Variants in ZNF786 observed in about 807,000 individuals in gnomAD.
ZNF786 encodes the protein zinc finger protein 786.
ZNF786 carries 56 observed loss-of-function variants against 63.1 expected under a neutral mutation model. That is an observed-to-expected ratio of 0.89 (90% confidence interval 0.72 to 1.11). The LOEUF is 1.11. Ranked by LOEUF, ZNF786 falls within the 50% of genes least tolerant of loss-of-function variation. The pLI is 0.00. For missense variants in ZNF786, 1,213 were observed against 1,041.8 expected (o/e 1.16, Z -2.26); for synonymous variants, 485 against 406.9 (o/e 1.19, Z -2.31).
In ZNF786 at chr7:149,069,796, G is replaced by A. The variant is rs1825365286; in HGVS notation, c.*627C>T. The A allele has an allele frequency of 6.6e-6, 1 of 152,340 alleles. No homozygotes were observed. Among genetic ancestry groups the A allele is most frequent in the Non-Finnish European group, 1.5e-5 (1 of 68,600 alleles). 9.4% of individuals were successfully genotyped at this position (152,340 alleles called of 1,614,324 possible). A position where few individuals can be genotyped will look rare whatever the true frequency, so the allele number is the denominator to read the frequency against. ...GTACCACCATGCCTGGCTAATTTTT[G>A]TATTTTTAGTAGAGACAGGGTTTTG... On this transcript the variant is annotated 3_prime_UTR_variant, in exon 4 of 4. Coordinates refer to ENST00000491431, the MANE Select transcript of ZNF786 (RefSeq NM_152411.4).
chr7:149,089,287 T>TTGTATAGTGTTCCACCGTCTGAA (rs1825791502), intron 1 of ZNF786, among the ~76,000 whole-genome samples: 1 of 150,868 alleles, frequency 6.6e-6, no homozygotes, highest in Non-Finnish European at 1.5e-5. Context: ...TATTTTAATT[T>TTGTATAGTGTTCCACCGTCTGAA]TGTATAGTGT....
chr7:149,072,234 G>C lies in ZNF786; in HGVS notation c.538C>G (p.Pro180Ala). 1 of 1,613,574 alleles carries C rather than the reference G, an allele frequency of 6.2e-7. No homozygotes were observed. Among genetic ancestry groups the C allele is most frequent in the Non-Finnish European group, 8.5e-7 (1 of 1,179,766 alleles). Residue 180 changes from proline to alanine, a missense_variant, in exon 4 of 4, where the codon CCC becomes GCC. Pro to Ala is a conservative substitution (Grantham distance 27). Coordinates refer to ENST00000491431, the MANE Select transcript of ZNF786 (RefSeq NM_152411.4). ...GGGTGCTGGGTGCTCTCCCAGGCGG[G>C]GACGTCCCACAAACCAGGAAGATCC... The part of the protein sequence containing the change: ...NLDLPGLWDV[P>A]AWESTQHPWP...
chr7:149,071,537 A>AGCAGGCGGC lies in ZNF786; in HGVS notation c.1226_1234dup (p.Arg409_Leu411dup), dbSNP rs747933420. 10 of 1,613,094 alleles carry AGCAGGCGGC rather than the reference A, an allele frequency of 6.2e-6. No individual in the cohort carries two copies. In the South Asian group the frequency reaches 7.7e-5, roughly 12 times the overall value. On this transcript the variant is annotated inframe_insertion, in exon 4 of 4. Transcript: ENST00000491431. The stretch of plus-strand genomic sequence containing the variant: ...ACCGTGCGCGTGCTGGTGGACCTGC[A>AGCAGGCGGC]GCAGGCGGCGCAGGCGGAAGCGCTT...
At chr7:149,090,411 C>T (rs1187824903) in intron 1 of ZNF786, among the ~76,000 whole-genome samples, 2 of 152,222 alleles carry the variant, frequency 1.3e-5, no homozygotes, top group Non-Finnish European at 2.9e-5. Flanking sequence ...TCGGCTTTGT[C>T]CAGGGGTTTG....
chr7:149,086,864 T>TA (rs1669175806), intron 1 of ZNF786, among the ~76,000 whole-genome samples: 1 of 148,366 alleles, frequency 6.7e-6, no homozygotes, highest in South Asian at 2.1e-4. Flanking sequence ...TTTTTTGAGA[T>TA]AGAGTCTTGC....
At chr7:149,083,139 T>G (rs555541891) in intron 1 of ZNF786, among the ~76,000 whole-genome samples, 4 of 152,116 alleles carry the variant, frequency 2.6e-5, no homozygotes, top group South Asian at 2.1e-4. Context: ...TCAGGCAATC[T>G]GCCTGGCTGG....
At chr7:149,085,550 C>T (rs961256362) in intron 1 of ZNF786, among the ~76,000 whole-genome samples, 3 of 152,198 alleles carry the variant, frequency 2.0e-5, no homozygotes, top group Admixed American at 1.3e-4. Flanking sequence ...CTCCTGGCCT[C>T]ATGATCTGCC....
chr7:149,090,543 C>A, intron 1 of ZNF786, 80 bp downstream of exon 1: 1 of 1,411,784 alleles, frequency 7.1e-7, no homozygotes, highest in Non-Finnish European at 9.4e-7. Context: ...TCACGGGGAC[C>A]CCAGGACACG....
At chr7:149,077,094 A>C (rs1825565124) in intron 2 of ZNF786, among the ~76,000 whole-genome samples, 1 of 152,228 alleles carries the variant, frequency 6.6e-6, no homozygotes, top group South Asian at 2.1e-4. Context: ...TACTATCTCT[A>C]ACATAGTACC....
intron 3 of ZNF786, 130 bp from the exon 4 acceptor site, chr7:149,072,603 A>G (rs1225263583): frequency 2.0e-6 from 2 of 1,003,232 alleles, no homozygotes; most frequent in East Asian, 2.6e-5. Context: ...CTACCCAACC[A>G]TGCAGTGTGA....
intron 3 of ZNF786, among the ~76,000 whole-genome samples, chr7:149,073,751 A>G (rs377161927): frequency 0.5 from 29,681 of 59,262 alleles, 6,141 homozygotes; most frequent in East Asian, 0.63. Context: ...GTGTGTGTAT[A>G]TATATATATA....
chr7:149,081,174 A>C, intron 1 of ZNF786: 1 of 456,322 alleles, frequency 2.2e-6, no homozygotes, highest in Non-Finnish European at 4.4e-6. Flanking sequence ...GCAGTGGGTC[A>C]TGCCTGTAAT....
At chr7:149,083,477 A>T (rs1825683650) in intron 1 of ZNF786, among the ~76,000 whole-genome samples, 1 of 152,064 alleles carries the variant, frequency 6.6e-6, no homozygotes, top group Admixed American at 6.6e-5. Context: ...TCGGCCTCCC[A>T]GTGCTAGGAT....
At chr7:149,080,936 A>C (rs375834045) in intron 1 of ZNF786, among the ~76,000 whole-genome samples, 25 of 152,308 alleles carry the variant, frequency 1.6e-4, no homozygotes, top group African/African-American at 5.8e-4. Context: ...TGTTCAAAGT[A>C]TATATACACA....
Position 149,086,513 on chromosome 7 carries a change from G to A in ZNF786, c.18+4110C>T, listed in dbSNP as rs186250156. Among the ~76,000 whole-genome samples the A allele has an allele frequency of 6.4e-4, 98 of 152,038 alleles. 1 individual carries two copies. The East Asian group carries it at 0.011, about 17-fold the overall frequency. Reference sequence around the variant, plus strand: ...TGTGGTGGCAGGGGCCTGTAATCCCGGCTACTTGGGAGGCTGAGGCAGGAG... The same window carrying A: ...TGTGGTGGCAGGGGCCTGTAATCCCAGCTACTTGGGAGGCTGAGGCAGGAG... On this transcript the variant is annotated intron_variant, in intron 1 of 3. Transcript: ENST00000491431.
chr7:149,082,289 G>T (rs1319541850), intron 1 of ZNF786, among the ~76,000 whole-genome samples: 3 of 152,154 alleles, frequency 2.0e-5, no homozygotes, highest in African/African-American at 7.2e-5. Context: ...AGAAGCAGAA[G>T]ACTAAGAGTT....
Position 149,071,644 on chromosome 7 carries a change from C to T in ZNF786, c.1128G>A (p.Glu376=). 6.4e-7 allele frequency: 1 copy of T among 1,574,666 alleles called. No individual in the cohort carries two copies. The highest frequency in any genetic ancestry group is 1.3e-5 in the African/African-American group (1 of 74,348). ...EGPCSCSECG[E]RSPMSARLAS... The stretch of plus-strand genomic sequence containing the variant: ...CGAGCCTGGCGCTCATAGGGGAGCG[C>T]TCGCCACACTCCGAGCAGGAGCAGG... Residue 376 remains glutamate, a synonymous_variant, in exon 4 of 4, where the codon GAG becomes GAA. Coordinates refer to ENST00000491431, the MANE Select transcript of ZNF786 (RefSeq NM_152411.4).
chr7:149,071,770 G>A lies in ZNF786; in HGVS notation c.1002C>T (p.Ser334=). 1 of 1,583,790 alleles carries A rather than the reference G, an allele frequency of 6.3e-7. No homozygotes were observed. Among genetic ancestry groups the A allele is most frequent in the Non-Finnish European group, 8.5e-7 (1 of 1,170,730 alleles). ...ASWREGRGAS[S]SVHSGQKPGS... is the part of the protein sequence containing the mutation. ...CTGGTTTCTGTCCCGAGTGCACACTGCTGGAGGCCCCGCGGCCTTCTCTCC... is the reference window on the plus strand; with the variant it reads ...CTGGTTTCTGTCCCGAGTGCACACTACTGGAGGCCCCGCGGCCTTCTCTCC... The change falls in exon 4 of 4, where the codon AGC becomes AGT. Residue 334 remains serine, a synonymous_variant. Transcript: ENST00000491431.
chr7:149,073,760 T>TACATAC (rs1174758192), intron 3 of ZNF786, among the ~76,000 whole-genome samples: 2 of 99,428 alleles, frequency 2.0e-5, no homozygotes, highest in African/African-American at 7.3e-5. Context: ...TATATATATA[T>TACATAC]ATATATATAT....
Sources: allele counts gnomAD v4.1 joint callset (sites outside exome capture counted in the v4.1 genomes callset), GRCh38; gene constraint gnomAD v4.1.1; transcripts MANE v1.5; gene names NCBI Gene and HGNC (gene_info 2026-07-23, HGNC 2026-07-21).